EP400: variants seen among roughly 807,000 people sequenced by gnomAD.
The protein encoded by EP400 is E1A-binding protein p400.
Under a neutral mutation model 354.1 loss-of-function variants are expected in EP400, and 105 were observed. That is an observed-to-expected ratio of 0.30 (90% CI 0.25 to 0.35). The LOEUF (loss-of-function observed/expected upper bound fraction) is 0.35. Ranked by LOEUF, EP400 falls within the 10% of genes least tolerant of loss-of-function variation. The pLI, the probability that EP400 is intolerant of heterozygous loss-of-function variation, is 1.00. For missense variants in EP400, 3,280 were observed against 4,121.0 expected, an observed-to-expected ratio of 0.80 and a Z score of 5.59; for synonymous variants, 1,646 against 1,716.9, an observed-to-expected ratio of 0.96 and a Z score of 1.02.
At chr12:132,006,902 CA>C in intron 15 of EP400, 25 bp downstream of exon 15, 1 of 1,613,322 alleles carries the variant, frequency 6.2e-7, no homozygotes, top group Non-Finnish European at 8.5e-7. Context: ...GTTTTTTTAA[CA>C]ATACCTATTT....
rs776041507 is a variant in EP400, at chr12:131,963,555, T to A, written c.1335+1601T>A. The A allele has an allele frequency of 8.8e-6, 14 of 1,598,330 alleles. No homozygotes were observed. The African/African-American group carries it at 1.6e-4, about 18-fold the overall frequency. Reference sequence around the variant, plus strand: ...AGGTAAAGGTTGTGACAGGAAAGGATGGGCAGACTGGGACTCCCGTTGCTA... The same window carrying A: ...AGGTAAAGGTTGTGACAGGAAAGGAAGGGCAGACTGGGACTCCCGTTGCTA... On this transcript the variant is annotated intron_variant, in intron 2 of 52. Transcript: ENST00000389561.
Position 131,960,543 on chromosome 12 carries a change from A to G in EP400, c.-35-42A>G, listed in dbSNP as rs1270216131. 5 of 1,486,724 alleles carry G rather than the reference A, an allele frequency of 3.4e-6. No individual in the cohort carries two copies. In the African/African-American group the frequency reaches 7.0e-5, roughly 21 times the overall value. The allele number at this position is 1,486,724 out of a possible 1,614,324, so 92.1% of individuals were successfully genotyped here. A position where few individuals can be genotyped will look rare whatever the true frequency, so the allele number is the denominator to read the frequency against. The stretch of plus-strand genomic sequence containing the variant: ...GCTGTTAAGTGTCAATAAAACAGTT[A>G]TGTGTGCCTTCAAGTGACTTGATTT... On this transcript the variant is annotated intron_variant, in intron 1 of 52. Coordinates refer to ENST00000389561, the MANE Select transcript of EP400 (RefSeq NM_015409.5).
At chr12:131,958,755 A>T (rs1033771940) in intron 1 of EP400, among the ~76,000 whole-genome samples, 1 of 152,134 alleles carries the variant, frequency 6.6e-6, no homozygotes, top group Non-Finnish European at 1.5e-5. Flanking sequence ...ACCTGACCTC[A>T]AGTGATCCTC....
At position 132,029,834 on chromosome 12, in the gene EP400, C is replaced by A. The variant is rs1169253404; in HGVS notation, c.5515C>A (p.Gln1839Lys). ...LREHAAPYFQQLRQTTAPRLL... is the reference protein window; with the variant it reads ...LREHAAPYFQKLRQTTAPRLL... ...AGAGCACGCTGCGCCGTACTTCCAGCAGCTGCGGCAGACCACGGCTCCACG... is the reference window on the plus strand; with the variant it reads ...AGAGCACGCTGCGCCGTACTTCCAGAAGCTGCGGCAGACCACGGCTCCACG... Residue 1839 changes from glutamine to lysine, a missense_variant, in exon 28 of 53, where the codon CAG (glutamine) becomes AAG (lysine). Gln to Lys is a moderately conservative substitution (Grantham distance 53, BLOSUM62 1). Transcript: ENST00000389561. This position sits in a 1 kb window ranked among gnomAD's most constrained non-coding sequence, Gnocchi z 4.7. 21 of 1,613,018 alleles carry A rather than the reference C, an allele frequency of 1.3e-5. No individual in the cohort carries two copies. Among genetic ancestry groups the A allele is most frequent in the Non-Finnish European group, 1.5e-5 (18 of 1,180,046 alleles).
Position 131,994,975 on chromosome 12 carries a change from A to C in EP400, c.2827+19A>C. The C allele has an allele frequency of 6.2e-6, 10 of 1,601,726 alleles. No individual in the cohort carries two copies. Among genetic ancestry groups the C allele is most frequent in the Non-Finnish European group, 8.6e-6 (10 of 1,169,434 alleles). ...AAGGAAGGTAGGCTGTTGCTACCTTATTAAACATTCAGTAAGTAAAAAGAA... is the reference window on the plus strand; with the variant it reads ...AAGGAAGGTAGGCTGTTGCTACCTTCTTAAACATTCAGTAAGTAAAAAGAA... On this transcript the variant is annotated intron_variant, in intron 12 of 52. Transcript: ENST00000389561. This position sits in a 1 kb window ranked among gnomAD's most constrained non-coding sequence, Gnocchi z 4.6.
intron 1 of EP400, among the ~76,000 whole-genome samples, chr12:131,950,561 G>A (rs1891435104): frequency 6.6e-6 from 1 of 152,152 alleles, no homozygotes; most frequent in African/African-American, 2.4e-5. Context: ...GTCCCGGAAC[G>A]CGCCGCCACA....
chr12:132,050,466 TTCCTGAGTGC>T lies in EP400; in HGVS notation c.7337+10_7337+19del. Reference sequence around the variant, plus strand: ...GTCCCCCAATCAAACCTCTGTATGTTTCCTGAGTGCTCATTTTATGTTCATTATGACTGAG... The same window carrying T: ...GTCCCCCAATCAAACCTCTGTATGTTTCATTTTATGTTCATTATGACTGAG... On this transcript the variant is annotated splice_region_variant and intron_variant, in intron 40 of 52. Transcript: ENST00000389561. This position sits in a 1 kb window ranked among gnomAD's most constrained non-coding sequence, Gnocchi z 4.8. 1 of 1,614,174 alleles carries T rather than the reference TTCCTGAGTGC, an allele frequency of 6.2e-7. No homozygotes were observed. Among genetic ancestry groups the T allele is most frequent in the Non-Finnish European group, 8.5e-7 (1 of 1,180,024 alleles).
Position 131,980,211 on chromosome 12 carries a change from C to A in EP400, c.1435+418C>A, listed in dbSNP as rs140201462. Among the ~76,000 whole-genome samples the A allele has an allele frequency of 4.1e-4, 62 of 152,330 alleles. 1 individual carries two copies. Among genetic ancestry groups the A allele is most frequent in the African/African-American group, 1.4e-3 (57 of 41,568 alleles). On this transcript the variant is annotated intron_variant, in intron 3 of 52. Transcript: ENST00000389561. Reference sequence around the variant, plus strand: ...TCTGGCTTGGTACCTGCCCACTCCCCAGCCACAGCAGTAACCACTGTTAAT... The same window carrying A: ...TCTGGCTTGGTACCTGCCCACTCCCAAGCCACAGCAGTAACCACTGTTAAT...
intron 51 of EP400, among the ~76,000 whole-genome samples, chr12:132,071,292 T>C (rs924789145): frequency 2.6e-5 from 4 of 152,174 alleles, no homozygotes; most frequent in Non-Finnish European, 5.9e-5. Flanking sequence ...GTGCGAATGA[T>C]ACCCAGATTC....
chr12:131,996,127 ACT>A (rs1893206104), intron 12 of EP400, among the ~76,000 whole-genome samples: 1 of 151,404 alleles, frequency 6.6e-6, no homozygotes, highest in African/African-American at 2.4e-5. Flanking sequence ...TATGTGACCG[ACT>A]CTTTTTTGTG....
At chr12:131,977,388 C>T (rs1399265212) in intron 2 of EP400, among the ~76,000 whole-genome samples, 2 of 151,940 alleles carry the variant, frequency 1.3e-5, no homozygotes, top group African/African-American at 4.8e-5. Flanking sequence ...CCACCTCGGC[C>T]TCCCAAAGTG....
chr12:132,062,288 C>A lies in EP400; in HGVS notation c.8063C>A (p.Thr2688Asn), dbSNP rs1218802123. The change falls in exon 46 of 53, where the codon ACC becomes AAC. Residue 2688 changes from threonine to asparagine, a missense_variant. This residue lies in a region of EP400 where 255 missense variants were observed against 295.9 expected (regional missense o/e 0.86). Coordinates refer to ENST00000389561, the MANE Select transcript of EP400 (RefSeq NM_015409.5). Reference protein sequence around the residue: ...VVTTNLTPVQTPARSLVPQVS... With the variant: ...VVTTNLTPVQNPARSLVPQVS... The stretch of plus-strand genomic sequence containing the variant: ...ACTACCAACCTGACCCCAGTGCAGA[C>A]CCCGGCACGGTCTTTGGTGCCCCAA... The A allele has an allele frequency of 5.0e-6, 8 of 1,614,098 alleles. No individual in the cohort carries two copies. The African/African-American group carries it at 6.7e-5, about 13-fold the overall frequency.
chr12:131,954,779 G>C (rs547205993), intron 1 of EP400, among the ~76,000 whole-genome samples: 3 of 148,152 alleles, frequency 2.0e-5, no homozygotes, highest in Non-Finnish European at 4.4e-5. Context: ...TATAGTCCCA[G>C]CTATTTGGGA....
intron 29 of EP400, chr12:132,031,208 G>A (rs753546701): frequency 5.8e-6 from 3 of 518,644 alleles, no homozygotes; most frequent in South Asian, 2.8e-5. Flanking sequence ...TATCCTTCAC[G>A]GTTTTGTTTT....
chr12:132,006,287 T>C lies in EP400; in HGVS notation c.3111T>C (p.Ala1037=). 2 of 1,614,228 alleles carry C rather than the reference T, an allele frequency of 1.2e-6. No individual in the cohort carries two copies. Among genetic ancestry groups the C allele is most frequent in the Non-Finnish European group, 1.7e-6 (2 of 1,180,038 alleles). The change falls in exon 14 of 53, where the codon GCT becomes GCC. Residue 1037 remains alanine (A), a synonymous_variant. Coordinates refer to ENST00000389561, the MANE Select transcript of EP400 (RefSeq NM_015409.5). ...VAEAILPKGS[A]RVTTSVKFNA... ...AAGCCATCCTGCCGAAGGGCAGTGC[T>C]CGGGTCACAACCTCGGTGAGGCGCT...
chr12:132,040,147 T>C (rs1398370231), intron 32 of EP400, among the ~76,000 whole-genome samples: 1 of 151,824 alleles, frequency 6.6e-6, no homozygotes, highest in African/African-American at 2.4e-5. Context: ...ATCAGGAAAA[T>C]CAAATAAAAA....
intron 15 of EP400, among the ~76,000 whole-genome samples, chr12:132,009,158 C>T (rs1308523899): frequency 1.3e-5 from 2 of 151,708 alleles, no homozygotes; most frequent in African/African-American, 2.4e-5. Flanking sequence ...TCTTGAACTC[C>T]TGGGCTCAAG....
At position 132,050,455 on chromosome 12, in the gene EP400, C is replaced by T; in HGVS notation, c.7333C>T (p.Pro2445Ser). 6.2e-7 allele frequency: 1 copy of T among 1,614,146 alleles called. No individual in the cohort carries two copies. Among genetic ancestry groups the T allele is most frequent in the Non-Finnish European group, 8.5e-7 (1 of 1,180,032 alleles). The stretch of plus-strand genomic sequence containing the variant: ...TGGCAAGAGGAGTCCCCCAATCAAA[C>T]CTCTGTATGTTTCCTGAGTGCTCAT... ...TAGKRSPPIK[P>S]LLGMNPFQKN... The change falls in exon 40 of 53, where the codon CCT (proline) becomes TCT (serine). Residue 2445 changes from proline to serine, a missense_variant. By Grantham distance (74) the Pro-to-Ser change is moderately conservative. Around this residue, in one of 20 missense-constraint regions of EP400, gnomAD observed 29 missense variants for 86.0 expected, o/e 0.34. Coordinates refer to ENST00000389561, the MANE Select transcript of EP400 (RefSeq NM_015409.5). The surrounding 1 kb of genome is among the most constrained non-coding windows in gnomAD (Gnocchi z 4.8).
chr12:132,013,643 A>G lies in EP400; in HGVS notation c.3765A>G (p.Lys1255=). The G allele has an allele frequency of 6.2e-7, 1 of 1,611,918 alleles. No individual in the cohort carries two copies. The highest frequency in any genetic ancestry group is 8.5e-7 in the Non-Finnish European group (1 of 1,178,858). The change falls in exon 18 of 53, where the codon AAA becomes AAG. Residue 1255 remains lysine (K), a synonymous_variant. Transcript: ENST00000389561. This position sits in a 1 kb window ranked among gnomAD's most constrained non-coding sequence, Gnocchi z 4.5. ...PSEESQDYYH[K]VVIRLHRVTQ... The stretch of plus-strand genomic sequence containing the variant: ...AAGAGAGCCAGGATTACTACCATAA[A>G]GTGGTCATAAGGTTACACAGGGTAG...
Sources: gnomAD v4.1 joint callset for allele counts (sites outside exome capture counted in the v4.1 genomes callset) on GRCh38, gnomAD v4.1.1 for gene constraint, gnomAD v4.1.1 regional missense constraint, Gnocchi (gnomAD v3.1) non-coding constraint, MANE v1.5 for transcripts, NCBI Gene and HGNC (gene_info 2026-07-23, HGNC 2026-07-21) for gene names.